GRK7: variants seen among roughly 807,000 people sequenced by gnomAD.
The protein encoded by GRK7 is G protein-coupled receptor kinase 7, also known as rhodopsin kinase GRK7.
Under a neutral mutation model 34.1 loss-of-function variants are expected in GRK7, and 24 were observed. The observed-to-expected ratio is 0.70, with a 90% CI of 0.51 to 0.99. GRK7 has a LOEUF of 0.99. GRK7 is among the 50% of genes least tolerant of loss of function. GRK7 has a pLI of 0.00. For synonymous variants in GRK7, 256 were observed against 279.4 expected, an observed-to-expected ratio of 0.92 and a Z score of 0.84; for missense variants, 644 against 707.3, an observed-to-expected ratio of 0.91 and a Z score of 1.02.
chr3:141,767,618 C>T (rs183065510), intron 1 of GRK7, among the ~76,000 whole-genome samples: 1 of 152,210 alleles, frequency 6.6e-6, no homozygotes, highest in East Asian at 1.9e-4. Context: ...CCAGACTAGT[C>T]TCAAACTCCT....
chr3:141,750,728 T>C, the GRK7 span, among the ~76,000 whole-genome samples: 74 of 151,980 alleles, frequency 4.9e-4, no homozygotes, highest in Non-Finnish European at 7.5e-4. Flanking sequence ...TGTAAAAAAA[T>C]TGCCAGCATG....
chr3:141,788,673 T>C (rs571100640), intron 4 of GRK7, among the ~76,000 whole-genome samples: 1 of 152,274 alleles, frequency 6.6e-6, no homozygotes, highest in African/African-American at 2.4e-5. Context: ...CGCAAGGAGA[T>C]GCCGGGGCTG....
At chr3:141,784,260 A>T (rs538839002) in intron 4 of GRK7, among the ~76,000 whole-genome samples, 1 of 152,136 alleles carries the variant, frequency 6.6e-6, no homozygotes, top group Non-Finnish European at 1.5e-5. Context: ...GCTGTCCGCT[A>T]CCAGGAACGT....
chr3:141,758,873 C>A (rs1442634158), upstream of GRK7, among the ~76,000 whole-genome samples: 3 of 151,546 alleles, frequency 2.0e-5, no homozygotes, highest in Admixed American at 6.6e-5. Context: ...TCCTTCACAT[C>A]CCTTGTAAGT....
intron 4 of GRK7, among the ~76,000 whole-genome samples, chr3:141,792,725 A>T (rs2084730250): frequency 6.6e-6 from 1 of 152,138 alleles, no homozygotes; most frequent in Non-Finnish European, 1.5e-5. Flanking sequence ...CTGGCATACA[A>T]CTCCAAATCT....
intron 5 of GRK7, among the ~76,000 whole-genome samples, chr3:141,814,042 T>C (rs1347391287): frequency 1.3e-5 from 2 of 152,202 alleles, no homozygotes; most frequent in Non-Finnish European, 2.9e-5. Flanking sequence ...CTGTTGTAGT[T>C]ATCATCTGAC....
At chr3:141,752,229 A>G in the GRK7 span, among the ~76,000 whole-genome samples, 1 of 152,238 alleles carries the variant, frequency 6.6e-6, no homozygotes, top group Non-Finnish European at 1.5e-5. Flanking sequence ...GCAAAATGAC[A>G]ATATTTTAAG....
At chr3:141,779,980 A>T (rs75963800) in intron 3 of GRK7, among the ~76,000 whole-genome samples, 6,433 of 152,296 alleles carry the variant, frequency 0.042, 458 homozygotes, top group African/African-American at 0.14. Context: ...CTATTCATGC[A>T]CAAGTATTTG....
intron 4 of GRK7, among the ~76,000 whole-genome samples, chr3:141,804,837 A>T (rs1180952450): frequency 2.0e-5 from 3 of 151,800 alleles, no homozygotes; most frequent in Non-Finnish European, 4.4e-5. Context: ...ATACACTCAC[A>T]TGCACACATA....
chr3:141,772,380 A>G (rs530275783), intron 1 of GRK7, among the ~76,000 whole-genome samples: 164 of 152,360 alleles, frequency 1.1e-3, no homozygotes, highest in African/African-American at 3.7e-3. Context: ...GGCGTGAGCC[A>G]CTGTGTCCGG....
chr3:141,812,205 C>G (rs1711099843), intron 5 of GRK7, among the ~76,000 whole-genome samples: 1 of 152,064 alleles, frequency 6.6e-6, no homozygotes, highest in Non-Finnish European at 1.5e-5. Context: ...AGTACGAGAG[C>G]CTCTGTTAAT....
intron 4 of GRK7, among the ~76,000 whole-genome samples, chr3:141,804,726 C>G (rs982315538): frequency 2.0e-5 from 3 of 151,726 alleles, no homozygotes; most frequent in Admixed American, 6.6e-5. Context: ...CACACATACA[C>G]TCACCCTCAC....
chr3:141,776,616 G>A (rs1467038952), intron 2 of GRK7, among the ~76,000 whole-genome samples: 1 of 152,220 alleles, frequency 6.6e-6, no homozygotes, highest in Non-Finnish European at 1.5e-5. Context: ...GCGGTGCAAA[G>A]CCAAAGGGCA....
At chr3:141,784,904 A>G (rs2084688246) in intron 4 of GRK7, among the ~76,000 whole-genome samples, 1 of 152,190 alleles carries the variant, frequency 6.6e-6, no homozygotes, top group Non-Finnish European at 1.5e-5. Context: ...GTAGCTTTAT[A>G]AGAAGAGAAA....
the GRK7 span, among the ~76,000 whole-genome samples, chr3:141,757,974 A>G: frequency 2.3e-4 from 13 of 56,458 alleles, no homozygotes; most frequent in Admixed American, 4.3e-4. Context: ...GTCTGTTCAT[A>G]TCCTTCGCCC....
chr3:141,804,694 C>T (rs957919801), intron 4 of GRK7, among the ~76,000 whole-genome samples: 2 of 151,428 alleles, frequency 1.3e-5, no homozygotes, highest in Admixed American at 6.6e-5. Context: ...TACACACATG[C>T]TCTCATATAC....
rs117643150 is a variant in GRK7, at chr3:141,764,992, G to A, written c.-961G>A. ...GGGTTACTGCAGCAGCCTCCAGACT[G>A]GTTTTTCTGTTTTAACCCTTGCCCC... On this transcript the variant is annotated 5_prime_UTR_variant, in exon 1 of 6. Transcript: ENST00000682958. 7.2e-5 allele frequency among the ~76,000 whole-genome samples: 11 copies of A among 151,754 alleles called. No individual in the cohort carries two copies. In the East Asian group the frequency reaches 7.8e-4, roughly 11 times the overall value.
Position 141,807,819 on chromosome 3 carries a change from C to A in GRK7, c.1225C>A (p.Gln409Lys), listed in dbSNP as rs1318424247. Residue 409 changes from glutamine to lysine, a missense_variant, in exon 5 of 6, where the codon CAA becomes AAA. By Grantham distance (53) the Gln-to-Lys change is moderately conservative. Coordinates refer to ENST00000682958, the MANE Select transcript of GRK7 (RefSeq NM_139209.3). ...SKEDLKQRTL[Q>K]DEVKFQHDNF... ...AGAGGATCTGAAGCAAAGAACTCTG[C>A]AAGACGAGGTCAAATTCCAGCATGA... 1.2e-6 allele frequency: 2 copies of A among 1,614,102 alleles called. No individual in the cohort carries two copies. Among genetic ancestry groups the A allele is most frequent in the Admixed American group, 1.7e-5 (1 of 60,014 alleles).
intron 2 of GRK7, among the ~76,000 whole-genome samples, chr3:141,775,971 C>T (rs1158996266): frequency 1.3e-5 from 2 of 151,784 alleles, no homozygotes; most frequent in Admixed American, 6.6e-5. Flanking sequence ...TTTTTTTTCC[C>T]CAGTGATAAG....
Sources: gnomAD v4.1 joint callset for allele counts (sites outside exome capture counted in the v4.1 genomes callset) on GRCh38, gnomAD v4.1.1 for gene constraint, MANE v1.5 for transcripts, NCBI Gene and HGNC (gene_info 2026-07-23, HGNC 2026-07-21) for gene names.